The following ST7L variants were observed in gnomAD, a reference collection of about 807,000 sequenced individuals.
The protein encoded by ST7L is suppression of tumorigenicity 7 like.
Under a neutral mutation model 72.5 loss-of-function variants are expected in ST7L, and 57 were observed. The ratio of observed to expected loss-of-function variants is 0.79; its 90% CI spans 0.64 to 0.98. The LOEUF (loss-of-function observed/expected upper bound fraction) is 0.98, where lower values mean the gene tolerates loss of function less well. ST7L is among the 50% of genes least tolerant of loss of function. ST7L has a pLI of 0.00. For synonymous variants in ST7L, 221 were observed against 240.9 expected, an observed-to-expected ratio of 0.92 and a Z score of 0.77; for missense variants, 576 against 672.2, an observed-to-expected ratio of 0.86 and a Z score of 1.58.
chr1:112,580,059 G>T (rs1471584875), intron 9 of ST7L, among the ~76,000 whole-genome samples: 1 of 152,206 alleles, frequency 6.6e-6, no homozygotes, highest in Non-Finnish European at 1.5e-5. Flanking sequence ...CTCTTTCCAA[G>T]TATAACACAT....
intron 8 of ST7L, 128 bp from the exon 9 acceptor site, chr1:112,582,234 G>A: frequency 2.3e-6 from 2 of 876,246 alleles, no homozygotes; most frequent in Non-Finnish European, 1.8e-6. Flanking sequence ...CCTTAAGAAA[G>A]GTACGTATAT....
At chr1:112,607,357 T>C (rs1668402959) in intron 3 of ST7L, 2 of 152,340 alleles carry the variant, frequency 1.3e-5, no homozygotes, top group African/African-American at 4.8e-5. Flanking sequence ...CCCAGCACTT[T>C]GGGAGGCCGA....
At chr1:112,557,877 C>T (rs1334307680) in intron 11 of ST7L, among the ~76,000 whole-genome samples, 2 of 152,152 alleles carry the variant, frequency 1.3e-5, no homozygotes, top group African/African-American at 4.8e-5. Context: ...AATTCTTCTT[C>T]AGATATGAAC....
At chr1:112,617,715 T>TCACACA (rs761146961) in intron 1 of ST7L, among the ~76,000 whole-genome samples, 1,344 of 123,078 alleles carry the variant, frequency 0.011, 14 homozygotes, top group East Asian at 0.031. Flanking sequence ...TCTTTCTCTC[T>TCACACA]CTCACACACA....
chr1:112,598,320 G>T (rs1666784948), intron 4 of ST7L, among the ~76,000 whole-genome samples: 1 of 152,028 alleles, frequency 6.6e-6, no homozygotes, highest in African/African-American at 2.4e-5. Context: ...ATTGAATTGG[G>T]CCGGGTGCCG....
chr1:112,544,060 A>G (rs1403923266), intron 13 of ST7L, among the ~76,000 whole-genome samples: 1 of 152,168 alleles, frequency 6.6e-6, no homozygotes, highest in Non-Finnish European at 1.5e-5. Flanking sequence ...AAATACTTGA[A>G]TAACAATACT....
chr1:112,548,986 T>C (rs530601392), intron 13 of ST7L, among the ~76,000 whole-genome samples: 2 of 148,884 alleles, frequency 1.3e-5, no homozygotes, highest in South Asian at 4.2e-4. Flanking sequence ...CATTTTAGAA[T>C]AAGCTTGTTA....
rs1433516346 is a variant in ST7L at position 112,599,104 on chromosome 1, ATATATATG to A, written c.507-1026_507-1019del. On this transcript the variant is annotated intron_variant, in intron 4 of 14. Coordinates refer to ENST00000358039, the MANE Select transcript of ST7L (RefSeq NM_017744.5). Reference sequence around the variant, plus strand: ...TATATATATATATATATATATATATATATATATGTGGATGTGTGTGTATACACACACAC... The same window carrying A: ...TATATATATATATATATATATATATATGGATGTGTGTGTATACACACACAC... 2.1e-4 allele frequency among the ~76,000 whole-genome samples: 18 copies of A among 84,110 alleles called. No homozygotes were observed. The East Asian group carries it at 5.3e-3, about 25-fold the overall frequency. The allele number at this position is 84,110 out of a possible 152,430, so 55.2% of individuals were successfully genotyped here.
chr1:112,560,503 A>G (rs1659943529), intron 11 of ST7L, among the ~76,000 whole-genome samples: 1 of 152,248 alleles, frequency 6.6e-6, no homozygotes, highest in South Asian at 2.1e-4. Context: ...ATTTCAATTT[A>G]AGGAAAATGT....
At chr1:112,585,645 A>G (rs1664762967) in intron 6 of ST7L, among the ~76,000 whole-genome samples, 1 of 151,852 alleles carries the variant, frequency 6.6e-6, no homozygotes, top group Admixed American at 6.6e-5. Flanking sequence ...AGGCAGGAGA[A>G]TGGCATGAAC....
chr1:112,570,355 C>T (rs889531655), intron 11 of ST7L, among the ~76,000 whole-genome samples: 1 of 151,966 alleles, frequency 6.6e-6, no homozygotes, highest in Non-Finnish European at 1.5e-5. Flanking sequence ...TTTATATGAT[C>T]TTTCTCTATT....
At chr1:112,579,317 GA>G (rs770476172) in intron 9 of ST7L, among the ~76,000 whole-genome samples, 47 of 149,950 alleles carry the variant, frequency 3.1e-4, no homozygotes, top group Non-Finnish European at 5.3e-4. Flanking sequence ...CTGGAAGGCC[GA>G]GGTTGCAGTG....
intron 2 of ST7L, among the ~76,000 whole-genome samples, chr1:112,612,687 G>T (rs1669261482): frequency 6.6e-6 from 1 of 151,962 alleles, no homozygotes; most frequent in Non-Finnish European, 1.5e-5. Flanking sequence ...TCTTAAGTTA[G>T]CAAGAATTAC....
At chr1:112,600,623 T>A (rs933038482) in intron 4 of ST7L, among the ~76,000 whole-genome samples, 171 bp downstream of exon 4, 3 of 151,568 alleles carry the variant, frequency 2.0e-5, no homozygotes, top group Non-Finnish European at 4.4e-5. Context: ...AAAAAAAAAG[T>A]AAACACAGTG....
chr1:112,580,400 G>A (rs531364602), intron 9 of ST7L, among the ~76,000 whole-genome samples: 3 of 152,192 alleles, frequency 2.0e-5, no homozygotes, highest in South Asian at 2.1e-4. Flanking sequence ...CAATCCACCC[G>A]CTTCAGCTTC....
intron 5 of ST7L, among the ~76,000 whole-genome samples, chr1:112,597,168 C>T (rs552562961): frequency 2.8e-4 from 42 of 152,268 alleles, no homozygotes; most frequent in Non-Finnish European, 5.0e-4. Context: ...TAGTATAGAA[C>T]TGCAGAAAAC....
At chr1:112,558,292 T>C (rs975509980) in intron 11 of ST7L, among the ~76,000 whole-genome samples, 3 of 152,188 alleles carry the variant, frequency 2.0e-5, no homozygotes, top group African/African-American at 7.2e-5. Context: ...CTCAGGTTGT[T>C]ATACAAACTA....
At chr1:112,548,126 G>A (rs375668010) in intron 13 of ST7L, among the ~76,000 whole-genome samples, 28 of 152,160 alleles carry the variant, frequency 1.8e-4, no homozygotes, top group African/African-American at 6.3e-4. Flanking sequence ...AGGCCAAGGC[G>A]GGTGGATCAC....
intron 4 of ST7L, 137 bp downstream of exon 4, chr1:112,600,657 G>A (rs1667244038): frequency 2.7e-6 from 2 of 741,568 alleles, no homozygotes; most frequent in African/African-American, 3.6e-5. Flanking sequence ...ATAAACTGTG[G>A]ACTAATCATT....
Sources: gnomAD v4.1 joint callset for allele counts (sites outside exome capture counted in the v4.1 genomes callset) on GRCh38, gnomAD v4.1.1 for gene constraint, MANE v1.5 for transcripts, NCBI Gene and HGNC (gene_info 2026-07-23, HGNC 2026-07-21) for gene names.